SRFBP1: variants seen among roughly 807,000 people sequenced by gnomAD.
SRFBP1 encodes serum response factor-binding protein 1.
In SRFBP1, 47 loss-of-function variants were observed where a neutral mutation model predicts 45.5. The ratio of observed to expected loss-of-function variants is 1.03; its 90% CI spans 0.82 to 1.32. The LOEUF (loss-of-function observed/expected upper bound fraction) is 1.32. Among genes scored for constraint, SRFBP1 ranks in the 40% most tolerant of loss-of-function variants. The pLI, the probability that SRFBP1 is intolerant of heterozygous loss-of-function variation, is 0.00. For missense variants in SRFBP1, 621 were observed against 484.6 expected, an observed-to-expected ratio of 1.28 and a Z score of -2.64; for synonymous variants, 203 against 166.3, an observed-to-expected ratio of 1.22 and a Z score of -1.70.
rs566310085 is a variant in SRFBP1 at position 122,056,044 on chromosome 5, A to T, written n.312-19271A>T. On this transcript the variant is annotated intron_variant and non_coding_transcript_variant, in intron 2 of 2. Coordinates refer to the SRFBP1 transcript ENST00000504881. The stretch of plus-strand genomic sequence containing the variant: ...AAGAGTGTTGAATAACAGGTTTCTC[A>T]TAGGTGAAAAAATTAGAGAACCTTT... Among the ~76,000 whole-genome samples the T allele has an allele frequency of 6.6e-5, 10 of 152,306 alleles. No homozygotes were observed. In the East Asian group the frequency reaches 1.9e-3, roughly 29 times the overall value.
chr5:122,049,669 A>G (rs181823117), intron 2 of SRFBP1, among the ~76,000 whole-genome samples: 2 of 152,170 alleles, frequency 1.3e-5, no homozygotes, highest in African/African-American at 2.4e-5. Context: ...AAATTATAAC[A>G]AACTGTCTCT....
At chr5:122,020,000 T>C in intron 5 of SRFBP1, 88 bp from the exon 6 acceptor site, 1 of 867,550 alleles carries the variant, frequency 1.2e-6, no homozygotes, top group Non-Finnish European at 1.7e-6. Flanking sequence ...TTAAATCTTT[T>C]CAAATAATTT....
intron 4 of SRFBP1, among the ~76,000 whole-genome samples, chr5:121,998,513 G>T (rs1232860016): frequency 5.9e-5 from 7 of 119,630 alleles, no homozygotes; most frequent in East Asian, 5.6e-4. Context: ...TGGGGACTGT[G>T]GTGGGGTGGG....
intron 2 of SRFBP1, among the ~76,000 whole-genome samples, chr5:122,047,555 TTAAAG>T (rs1753887226): frequency 6.6e-6 from 1 of 152,334 alleles, no homozygotes; most frequent in Non-Finnish European, 1.5e-5. Flanking sequence ...CATATGAACT[TTAAAG>T]TAGTTTTTTC....
At chr5:122,074,953 T>G (rs1029078031) in intron 2 of SRFBP1, among the ~76,000 whole-genome samples, 10 of 152,216 alleles carry the variant, frequency 6.6e-5, no homozygotes, top group African/African-American at 2.4e-4. Context: ...TTGGGCTTGA[T>G]ACAGGTCTTT....
rs997462685 is a variant in SRFBP1, at chr5:121,977,856, A to G, written c.198+2469A>G. On this transcript the variant is annotated intron_variant, in intron 3 of 7. Transcript: ENST00000339397. ...AAAAAATTGGCTTGATCTTTACACTATAAAATCATAGGTTCTAATTTTATA... is the reference window on the plus strand; with the variant it reads ...AAAAAATTGGCTTGATCTTTACACTGTAAAATCATAGGTTCTAATTTTATA... 2.0e-5 allele frequency among the ~76,000 whole-genome samples: 3 copies of G among 152,176 alleles called. No homozygotes were observed. In the East Asian group the frequency reaches 5.8e-4, roughly 29 times the overall value.
At chr5:122,035,037 G>C (rs1360743743) in intron 2 of SRFBP1, among the ~76,000 whole-genome samples, 1 of 151,198 alleles carries the variant, frequency 6.6e-6, no homozygotes, top group Admixed American at 6.6e-5. Context: ...CAGGGATACA[G>C]GTTTTTTTTT....
chr5:121,983,606 C>A (rs1004224811), intron 3 of SRFBP1, among the ~76,000 whole-genome samples: 1 of 151,660 alleles, frequency 6.6e-6, no homozygotes, highest in Non-Finnish European at 1.5e-5. Flanking sequence ...GATCATTGTA[C>A]AATTGAATTA....
At chr5:121,997,933 C>A (rs1752766863) in intron 4 of SRFBP1, among the ~76,000 whole-genome samples, 1 of 150,150 alleles carries the variant, frequency 6.7e-6, no homozygotes, top group East Asian at 2.0e-4. Context: ...CATCACTGGC[C>A]ATCAGAGAAA....
chr5:122,055,928 C>G (rs994654958), intron 2 of SRFBP1, among the ~76,000 whole-genome samples: 6 of 152,104 alleles, frequency 3.9e-5, no homozygotes, highest in African/African-American at 1.4e-4. Context: ...CCTGTTTGGT[C>G]AAGGAGTAAG....
At chr5:122,046,782 C>T (rs147123043) in intron 2 of SRFBP1, among the ~76,000 whole-genome samples, 4,249 of 152,256 alleles carry the variant, frequency 0.028, 217 homozygotes, top group African/African-American at 0.097. Flanking sequence ...TGGATTTGCA[C>T]TTCTCTGATG....
At chr5:121,978,076 T>C (rs1209071771) in intron 3 of SRFBP1, among the ~76,000 whole-genome samples, 2 of 152,188 alleles carry the variant, frequency 1.3e-5, no homozygotes, top group Admixed American at 6.5e-5. Context: ...TTCAAGCATA[T>C]ACTGAAATTA....
At chr5:122,036,640 T>G (rs1468159628) in intron 2 of SRFBP1, among the ~76,000 whole-genome samples, 1 of 152,202 alleles carries the variant, frequency 6.6e-6, no homozygotes, top group East Asian at 1.9e-4. Flanking sequence ...ATTGACCCTG[T>G]GTAAAAACCT....
At chr5:122,018,414 A>G (rs1753229453) in intron 4 of SRFBP1, among the ~76,000 whole-genome samples, 1 of 152,206 alleles carries the variant, frequency 6.6e-6, no homozygotes, top group South Asian at 2.1e-4. Flanking sequence ...TTGGAACCAC[A>G]GGGTGTATTG....
chr5:121,993,626 G>A (rs187728744), intron 3 of SRFBP1, among the ~76,000 whole-genome samples: 1 of 152,206 alleles, frequency 6.6e-6, no homozygotes, highest in African/African-American at 2.4e-5. Context: ...AGAACTGACA[G>A]AGGTAATTTC....
intron 4 of SRFBP1, among the ~76,000 whole-genome samples, chr5:122,002,493 G>T (rs569340622): frequency 6.6e-6 from 1 of 152,256 alleles, no homozygotes; most frequent in Admixed American, 6.5e-5. Flanking sequence ...TTTATTTGAG[G>T]TCCTGATTAG....
intron 4 of SRFBP1, among the ~76,000 whole-genome samples, chr5:121,999,923 C>A (rs558054218): frequency 1.3e-5 from 2 of 151,954 alleles, no homozygotes; most frequent in Non-Finnish European, 2.9e-5. Context: ...TATGTTTAAG[C>A]CATTTCTATT....
At chr5:121,964,568 C>T (rs572303791) in intron 1 of SRFBP1, among the ~76,000 whole-genome samples, 13 of 152,188 alleles carry the variant, frequency 8.5e-5, no homozygotes, top group East Asian at 7.7e-4. Flanking sequence ...GTATATGTGC[C>T]GCATTTTCAT....
chr5:122,078,654 TG>T (rs1331061790), downstream of SRFBP1, among the ~76,000 whole-genome samples: 1 of 130,662 alleles, frequency 7.7e-6, no homozygotes, highest in Non-Finnish European at 1.6e-5. Flanking sequence ...GGGAGGGTGC[TG>T]GGGGTGAGAG....
Sources: gnomAD v4.1 joint callset for allele counts (sites outside exome capture counted in the v4.1 genomes callset) on GRCh38, gnomAD v4.1.1 for gene constraint, MANE v1.5 for transcripts, NCBI Gene and HGNC (gene_info 2026-07-23, HGNC 2026-07-21) for gene names.